Variants in FMN2 observed in about 807,000 individuals in gnomAD.
FMN2 encodes the protein formin 2.
Under a neutral mutation model 142.3 loss-of-function variants are expected in FMN2, and 51 were observed. That is an observed-to-expected ratio of 0.36 (90% CI 0.29 to 0.45). The LOEUF is 0.45. Ranked by LOEUF, FMN2 falls within the 20% of genes least tolerant of loss-of-function variation. The probability of loss-of-function intolerance (pLI) is 1.00; values close to 1 mark genes in which losing one functional copy is unlikely to be tolerated. For missense variants in FMN2, 1,936 were observed against 2,122.8 expected, an observed-to-expected ratio of 0.91 and a Z score of 1.73; for synonymous variants, 882 against 869.8, an observed-to-expected ratio of 1.01 and a Z score of -0.25.
intron 13 of FMN2, among the ~76,000 whole-genome samples, chr1:240,352,967 C>T (rs1358935338): frequency 6.6e-6 from 1 of 152,178 alleles, no homozygotes; most frequent in Non-Finnish European, 1.5e-5. Flanking sequence ...AGGGCTCACC[C>T]CCTCAGAAGG....
intron 7 of FMN2, among the ~76,000 whole-genome samples, chr1:240,284,124 C>T (rs1180678051): frequency 6.6e-6 from 1 of 152,148 alleles, no homozygotes; most frequent in Non-Finnish European, 1.5e-5. Context: ...GAATCAATGG[C>T]AACCTACCTT....
At chr1:240,270,464 A>G (rs1432771418) in intron 7 of FMN2, among the ~76,000 whole-genome samples, 1 of 152,104 alleles carries the variant, frequency 6.6e-6, no homozygotes, top group Non-Finnish European at 1.5e-5. Flanking sequence ...ATTATTACCA[A>G]TAATCACACC....
At chr1:240,245,566 G>T (rs767088354) in intron 6 of FMN2, 8 of 471,238 alleles carry the variant, frequency 1.7e-5, no homozygotes, top group Non-Finnish European at 3.5e-5. Flanking sequence ...GCAGAGGATG[G>T]TAAGTGTCTG....
At position 240,334,246 on chromosome 1, in the gene FMN2, A is replaced by T; in HGVS notation, c.4765+17A>T. 6.3e-7 allele frequency: 1 copy of T among 1,575,246 alleles called. No homozygotes were observed. Among genetic ancestry groups the T allele is most frequent in the Non-Finnish European group, 8.6e-7 (1 of 1,168,354 alleles). ...ACTTGAAAGGTAACTTAAAATCCTGAACTCATGTTTTCTGTTTATGCTTTT... is the reference window on the plus strand; with the variant it reads ...ACTTGAAAGGTAACTTAAAATCCTGTACTCATGTTTTCTGTTTATGCTTTT... On this transcript the variant is annotated intron_variant, in intron 13 of 17. Coordinates refer to ENST00000319653, the MANE Select transcript of FMN2 (RefSeq NM_020066.5).
intron 8 of FMN2, among the ~76,000 whole-genome samples, chr1:240,321,887 A>C (rs1170377381): frequency 6.6e-6 from 1 of 152,180 alleles, no homozygotes; most frequent in African/African-American, 2.4e-5. Flanking sequence ...ACATATTTGA[A>C]ACACTTCTTG....
At chr1:240,277,549 T>A (rs1669260179) in intron 7 of FMN2, among the ~76,000 whole-genome samples, 1 of 96,650 alleles carries the variant, frequency 1.0e-5, no homozygotes, top group South Asian at 3.2e-4. Context: ...TTTTTTTTTT[T>A]TGAGACAGAG....
At chr1:240,391,835 A>G (rs1673615639) in intron 14 of FMN2, among the ~76,000 whole-genome samples, 1 of 152,128 alleles carries the variant, frequency 6.6e-6, no homozygotes, top group Admixed American at 6.6e-5. Context: ...CAAAAAAAAA[A>G]AATGAAGTCA....
chr1:240,340,357 G>A (rs1383002995), intron 13 of FMN2, among the ~76,000 whole-genome samples: 57 of 152,086 alleles, frequency 3.7e-4, no homozygotes, highest in Non-Finnish European at 2.9e-5. Context: ...GAGGCAGGTG[G>A]ATTGCTTGAG....
chr1:240,468,420 A>T (rs1247684617), intron 16 of FMN2, among the ~76,000 whole-genome samples: 1 of 152,146 alleles, frequency 6.6e-6, no homozygotes, highest in Non-Finnish European at 1.5e-5. Context: ...ATTAGAAGTT[A>T]AACTCAAGTG....
chr1:240,157,637 A>G (rs1355841487), intron 2 of FMN2, among the ~76,000 whole-genome samples: 1 of 152,100 alleles, frequency 6.6e-6, no homozygotes, highest in Non-Finnish European at 1.5e-5. Context: ...GAAAGAAGCA[A>G]TATTAACTAT....
intron 8 of FMN2, among the ~76,000 whole-genome samples, chr1:240,302,010 T>C (rs982614576): frequency 1.3e-5 from 2 of 152,082 alleles, no homozygotes; most frequent in African/African-American, 2.4e-5. Context: ...ACATGTTACA[T>C]CTTGAGTACT....
At chr1:240,275,467 A>AT (rs887579019) in intron 7 of FMN2, among the ~76,000 whole-genome samples, 42 of 147,144 alleles carry the variant, frequency 2.9e-4, no homozygotes, top group Non-Finnish European at 4.2e-4. Flanking sequence ...TATGTGCCAC[A>AT]TTTTTTTTTT....
intron 1 of FMN2, among the ~76,000 whole-genome samples, chr1:240,096,812 A>G (rs1424875368): frequency 6.6e-6 from 1 of 152,232 alleles, no homozygotes; most frequent in East Asian, 1.9e-4. Flanking sequence ...TCTATGGCAC[A>G]TGTCTGTGTC....
intron 8 of FMN2, among the ~76,000 whole-genome samples, chr1:240,322,081 A>G (rs552776253): frequency 6.6e-6 from 1 of 152,188 alleles, no homozygotes; most frequent in Non-Finnish European, 1.5e-5. Flanking sequence ...ACAGTTGGAC[A>G]AAATCATGTC....
chr1:240,255,342 C>G (rs899734379), intron 6 of FMN2, among the ~76,000 whole-genome samples: 9 of 152,134 alleles, frequency 5.9e-5, no homozygotes, highest in Admixed American at 5.2e-4. Context: ...TCTAGTCAGC[C>G]ATCTTGAAAC....
chr1:240,277,052 C>T (rs1042455577), intron 7 of FMN2, among the ~76,000 whole-genome samples: 3 of 152,022 alleles, frequency 2.0e-5, no homozygotes, highest in Admixed American at 6.6e-5. Flanking sequence ...AATGTTTCTT[C>T]CATACAGAGG....
intron 7 of FMN2, among the ~76,000 whole-genome samples, chr1:240,286,187 G>C (rs1232947678): frequency 1.3e-5 from 2 of 152,074 alleles, no homozygotes; most frequent in Non-Finnish European, 2.9e-5. Flanking sequence ...CAGTGTTCTG[G>C]ACCCTAAATT....
chr1:240,355,459 G>A (rs1339797487), intron 13 of FMN2, among the ~76,000 whole-genome samples: 2 of 152,080 alleles, frequency 1.3e-5, no homozygotes, highest in South Asian at 2.1e-4. Context: ...AACACTTCAC[G>A]TCTCTTCACA....
intron 15 of FMN2, among the ~76,000 whole-genome samples, chr1:240,395,115 T>C (rs910815696): frequency 1.3e-5 from 2 of 152,214 alleles, no homozygotes; most frequent in Non-Finnish European, 2.9e-5. Context: ...ATAGGAATTA[T>C]GCCAAATCTC....
Sources: gnomAD v4.1 joint callset for allele counts (sites outside exome capture counted in the v4.1 genomes callset) on GRCh38, gnomAD v4.1.1 for gene constraint, MANE v1.5 for transcripts, NCBI Gene and HGNC (gene_info 2026-07-23, HGNC 2026-07-21) for gene names.